CCDC7: variants seen among roughly 807,000 people sequenced by gnomAD.
CCDC7 encodes the protein coiled-coil domain-containing protein 7.
CCDC7 carries 183 observed loss-of-function variants against 196.9 expected under a neutral mutation model. That is an observed-to-expected ratio of 0.93 (90% CI 0.82 to 1.05). CCDC7 has a LOEUF of 1.05. CCDC7 is among the 50% of genes least tolerant of loss of function. CCDC7 has a pLI of 0.00. For synonymous variants in CCDC7, 525 were observed against 484.6 expected, an observed-to-expected ratio of 1.08 and a Z score of -1.10; for missense variants, 1,540 against 1,482.2, an observed-to-expected ratio of 1.04 and a Z score of -0.64.
chr10:32,673,557 A>G (rs1021178467), intron 21 of CCDC7, among the ~76,000 whole-genome samples: 5 of 151,632 alleles, frequency 3.3e-5, no homozygotes. Flanking sequence ...TCCTTTTTGG[A>G]TAGTTCGTTG....
chr10:32,726,443 T>A (rs1461600268), intron 25 of CCDC7, among the ~76,000 whole-genome samples: 2 of 152,054 alleles, frequency 1.3e-5, no homozygotes, highest in Admixed American at 6.6e-5. Context: ...TCTATTACTG[T>A]GTATTAACCT....
At chr10:32,543,775 T>G (rs948626505) in intron 12 of CCDC7, among the ~76,000 whole-genome samples, 2 of 152,044 alleles carry the variant, frequency 1.3e-5, no homozygotes, top group African/African-American at 4.8e-5. Flanking sequence ...TTATAAAAAG[T>G]TATTTATTTT....
At chr10:32,870,605 T>C (rs1372098343) in intron 41 of CCDC7, among the ~76,000 whole-genome samples, 1 of 152,150 alleles carries the variant, frequency 6.6e-6, no homozygotes, top group Non-Finnish European at 1.5e-5. Flanking sequence ...TCCTGCCTGA[T>C]TGCCCTGGCC....
At chr10:32,662,988 A>G (rs1463916623) in intron 20 of CCDC7, among the ~76,000 whole-genome samples, 2 of 150,508 alleles carry the variant, frequency 1.3e-5, no homozygotes, top group South Asian at 2.2e-4. Context: ...CCACAGTTGG[A>G]CCAAATTAGT....
At chr10:32,868,228 G>C (rs149272618) in intron 41 of CCDC7, among the ~76,000 whole-genome samples, 17 of 151,842 alleles carry the variant, frequency 1.1e-4, no homozygotes, top group Non-Finnish European at 2.4e-4. Flanking sequence ...CTATAAAAAC[G>C]GGTGTACAAA....
chr10:32,453,357 T>C (rs2033580273), exon 2 of CCDC7: 1 of 1,500,982 alleles, frequency 6.7e-7, no homozygotes, highest in Non-Finnish European at 8.9e-7. Flanking sequence ...GTTTCCACTT[T>C]GGAAGAAACC....
intron 13 of CCDC7, among the ~76,000 whole-genome samples, chr10:32,548,265 A>G (rs1319971830): frequency 6.6e-6 from 1 of 152,002 alleles, no homozygotes. Flanking sequence ...GCTAATTCCG[A>G]TTGGCTATTT....
chr10:32,597,860 T>G (rs1020265939), intron 18 of CCDC7, among the ~76,000 whole-genome samples: 22 of 152,200 alleles, frequency 1.4e-4, no homozygotes, highest in Non-Finnish European at 3.1e-4. Flanking sequence ...ATCCTTCCTC[T>G]GGAAGCTTCG....
At chr10:32,478,991 T>G (rs1348158784) in intron 8 of CCDC7, among the ~76,000 whole-genome samples, 1 of 152,148 alleles carries the variant, frequency 6.6e-6, no homozygotes. Context: ...TAAATAGGCC[T>G]ATTCATAATA....
intron 39 of CCDC7, among the ~76,000 whole-genome samples, chr10:32,851,515 T>C (rs2093563254): frequency 6.6e-6 from 1 of 152,206 alleles, no homozygotes; most frequent in Non-Finnish European, 1.5e-5. Context: ...GAAGAATGTG[T>C]ATCCTGTTAC....
intron 21 of CCDC7, among the ~76,000 whole-genome samples, chr10:32,675,124 C>T (rs2074707779): frequency 6.6e-6 from 1 of 152,040 alleles, no homozygotes; most frequent in South Asian, 2.1e-4. Context: ...TGAAGACTTA[C>T]TATTGCAATT....
At chr10:32,578,069 G>A (rs757483595) in intron 16 of CCDC7, among the ~76,000 whole-genome samples, 4 of 152,076 alleles carry the variant, frequency 2.6e-5, no homozygotes, top group Non-Finnish European at 4.4e-5. Context: ...TGAAAGATAC[G>A]GCAAAATCTA....
At chr10:32,669,284 G>C (rs566312729) in intron 21 of CCDC7, among the ~76,000 whole-genome samples, 1 of 152,020 alleles carries the variant, frequency 6.6e-6, no homozygotes, top group Non-Finnish European at 1.5e-5. Context: ...ATGTGCTGTC[G>C]AATTTAGTTT....
chr10:32,587,510 A>G (rs2059403307), intron 18 of CCDC7, among the ~76,000 whole-genome samples: 1 of 152,138 alleles, frequency 6.6e-6, no homozygotes, highest in African/African-American at 2.4e-5. Flanking sequence ...TCATTACCTA[A>G]TTATGTCTTA....
At chr10:32,827,220 G>T (rs2091260118) in intron 32 of CCDC7, among the ~76,000 whole-genome samples, 1 of 152,190 alleles carries the variant, frequency 6.6e-6, no homozygotes, top group Admixed American at 6.5e-5. Context: ...CATGGGCTCA[G>T]CAATGTGGAC....
At chr10:32,805,911 G>C (rs748733135) in intron 30 of CCDC7, among the ~76,000 whole-genome samples, 24 of 152,198 alleles carry the variant, frequency 1.6e-4, no homozygotes, top group Non-Finnish European at 3.1e-4. Flanking sequence ...TTCTGGGGAG[G>C]CCTCAGGGCG....
intron 9 of CCDC7, among the ~76,000 whole-genome samples, chr10:32,495,250 T>C (rs2042736241): frequency 6.6e-6 from 1 of 152,232 alleles, no homozygotes; most frequent in East Asian, 1.9e-4. Context: ...TGTTTTTTTC[T>C]TGTAAATTTG....
intron 11 of CCDC7, among the ~76,000 whole-genome samples, chr10:32,542,038 G>A (rs546682982): frequency 1.3e-5 from 2 of 152,244 alleles, no homozygotes; most frequent in African/African-American, 4.8e-5. Flanking sequence ...GGCCTACAGG[G>A]TCAATGTTCA....
intron 21 of CCDC7, among the ~76,000 whole-genome samples, chr10:32,671,947 G>A (rs2074139744): frequency 6.6e-6 from 1 of 152,172 alleles, no homozygotes; most frequent in South Asian, 2.1e-4. Flanking sequence ...GACTATTAAA[G>A]TTCTTCTGAT....
Sources: gnomAD v4.1 joint callset for allele counts (sites outside exome capture counted in the v4.1 genomes callset) on GRCh38, gnomAD v4.1.1 for gene constraint, MANE v1.5 for transcripts, NCBI Gene and HGNC (gene_info 2026-07-23, HGNC 2026-07-21) for gene names.